Variants in NAV2 observed in about 807,000 individuals in gnomAD.
The protein encoded by NAV2 is neuron navigator 2.
NAV2 carries 54 observed loss-of-function variants against 223.2 expected under a neutral mutation model. The observed-to-expected ratio is 0.24, with a 90% CI of 0.19 to 0.30. NAV2 has a LOEUF of 0.30. Ranked by LOEUF, NAV2 falls within the 10% of genes least tolerant of loss-of-function variation. The pLI, the probability that NAV2 is intolerant of heterozygous loss-of-function variation, is 1.00. For synonymous variants in NAV2, 1,279 were observed against 1,239.3 expected (o/e 1.03, Z -0.67); for missense variants, 2,806 against 3,147.5 (o/e 0.89, Z 2.60).
At chr11:19,492,905 G>C (rs1331355193) in intron 1 of NAV2, among the ~76,000 whole-genome samples, 1 of 152,208 alleles carries the variant, frequency 6.6e-6, no homozygotes, top group African/African-American at 2.4e-5. Context: ...CAGTGGCTTA[G>C]AGTTCCGGAG....
At chr11:19,351,802 T>TAAA (rs56030401) in intron 1 of NAV2, among the ~76,000 whole-genome samples, 1 of 114,672 alleles carries the variant, frequency 8.7e-6, no homozygotes, top group African/African-American at 3.4e-5. Flanking sequence ...TTGTGTATGG[T>TAAA]AAAAAAAAAA....
At chr11:19,439,306 G>T (rs1304587454) in intron 1 of NAV2, among the ~76,000 whole-genome samples, 1 of 152,114 alleles carries the variant, frequency 6.6e-6, no homozygotes, top group Non-Finnish European at 1.5e-5. Flanking sequence ...CTATAAGAGG[G>T]TGGAGGGTAG....
At chr11:19,726,809 T>C (rs1054898359) in intron 1 of NAV2, among the ~76,000 whole-genome samples, 7 of 152,120 alleles carry the variant, frequency 4.6e-5, no homozygotes, top group Non-Finnish European at 1.0e-4. Context: ...TTTAATAAGA[T>C]CCCGGATGAC....
intron 1 of NAV2, among the ~76,000 whole-genome samples, chr11:19,501,966 C>T (rs1240388191): frequency 1.3e-5 from 2 of 152,116 alleles, no homozygotes; most frequent in African/African-American, 2.4e-5. Flanking sequence ...AGCTTTGCTC[C>T]GCATTGTAAG....
At position 19,522,559 on chromosome 11, in the gene NAV2, T is replaced by C. The variant is rs558242371; in HGVS notation, c.75+171532T>C. 2.0e-5 allele frequency among the ~76,000 whole-genome samples: 3 copies of C among 152,280 alleles called. No homozygotes were observed. The South Asian group carries it at 6.2e-4, about 32-fold the overall frequency. ...TGCCCCTGGCCCCTGCTGGAACCCA[T>C]GAGGCCCTCCTGAGCCTCCTCACCA... On this transcript the variant is annotated intron_variant, in intron 1 of 37. Coordinates refer to the NAV2 transcript ENST00000360655.
At chr11:19,774,770 G>T (rs557236477) in intron 1 of NAV2, among the ~76,000 whole-genome samples, 1 of 152,230 alleles carries the variant, frequency 6.6e-6, no homozygotes, top group Non-Finnish European at 1.5e-5. Flanking sequence ...TGAAGGGAAA[G>T]GTCACAGGCT....
intron 1 of NAV2, among the ~76,000 whole-genome samples, chr11:19,368,222 T>G (rs1475455943): frequency 6.6e-6 from 1 of 152,206 alleles, no homozygotes; most frequent in Non-Finnish European, 1.5e-5. Context: ...GAGCCACAAC[T>G]GCTATTTTTT....
At chr11:19,447,799 T>C (rs556864160) in intron 1 of NAV2, among the ~76,000 whole-genome samples, 137 of 152,320 alleles carry the variant, frequency 9.0e-4, no homozygotes, top group African/African-American at 3.2e-3. Flanking sequence ...GAAGTGCTGC[T>C]TCTGTCTTCC....
intron 1 of NAV2, among the ~76,000 whole-genome samples, chr11:19,370,601 G>A (rs563085663): frequency 6.6e-6 from 1 of 152,360 alleles, no homozygotes; most frequent in South Asian, 2.1e-4. Flanking sequence ...AGGAAAGGAG[G>A]AAGCAAGAAG....
chr11:19,986,680 T>G (rs916318563), intron 11 of NAV2, among the ~76,000 whole-genome samples: 1 of 152,134 alleles, frequency 6.6e-6, no homozygotes, highest in Non-Finnish European at 1.5e-5. Flanking sequence ...AAGAAAGAAC[T>G]CAGATGGCTT....
chr11:19,467,472 G>A (rs1256208207), intron 1 of NAV2, among the ~76,000 whole-genome samples: 5 of 152,146 alleles, frequency 3.3e-5, no homozygotes, highest in African/African-American at 1.2e-4. Flanking sequence ...CGTGGTGTTC[G>A]CAACTGACTT....
chr11:19,632,476 G>A (rs2047375143), intron 1 of NAV2, among the ~76,000 whole-genome samples: 2 of 152,112 alleles, frequency 1.3e-5, no homozygotes, highest in Admixed American at 6.5e-5. Flanking sequence ...GACTGTCTTT[G>A]ATTATTCAAC....
intron 6 of NAV2, among the ~76,000 whole-genome samples, chr11:19,912,934 A>AT (rs1326047562): frequency 6.6e-6 from 1 of 152,182 alleles, no homozygotes; most frequent in African/African-American, 2.4e-5. Flanking sequence ...CCTGGCTGCT[A>AT]TTTTAAGACC....
intron 24 of NAV2, 100 bp from the exon 25 acceptor site, chr11:20,079,964 T>TA: frequency 7.4e-7 from 1 of 1,349,160 alleles, no homozygotes; most frequent in African/African-American, 1.4e-5. Context: ...AAACACCCAG[T>TA]AGTCCTCAGG....
chr11:20,103,446 G>A, intron 33 of NAV2, 37 bp downstream of exon 33: 1 of 1,601,028 alleles, frequency 6.2e-7, no homozygotes, highest in Non-Finnish European at 8.5e-7. Flanking sequence ...CCCCCCGGGA[G>A]AGAGTGCTGC....
chr11:19,935,031 A>G (rs551840635), intron 7 of NAV2, among the ~76,000 whole-genome samples: 18 of 152,288 alleles, frequency 1.2e-4, no homozygotes, highest in African/African-American at 3.8e-4. Context: ...CTCATTGCTC[A>G]GGCTACACCA....
At chr11:19,965,994 G>A (rs1221845256) in intron 10 of NAV2, among the ~76,000 whole-genome samples, 4 of 152,210 alleles carry the variant, frequency 2.6e-5, no homozygotes, top group African/African-American at 4.8e-5. Context: ...TCCACATGGC[G>A]TGGCTTCCTG....
chr11:19,348,309 C>G (rs1342178903), upstream of NAV2, among the ~76,000 whole-genome samples: 1 of 152,126 alleles, frequency 6.6e-6, no homozygotes, highest in Non-Finnish European at 1.5e-5. Context: ...GCAGGAGACC[C>G]TTTTTGGCAC....
At chr11:19,391,096 C>T in intron 1 of NAV2, among the ~76,000 whole-genome samples, 1 of 152,130 alleles carries the variant, frequency 6.6e-6, no homozygotes, top group Non-Finnish European at 1.5e-5. Context: ...ATGGGAGTCA[C>T]CGTACCCCAA....
Sources: allele counts gnomAD v4.1 joint callset (sites outside exome capture counted in the v4.1 genomes callset), GRCh38; gene constraint gnomAD v4.1.1; transcripts MANE v1.5; gene names NCBI Gene and HGNC (gene_info 2026-07-23, HGNC 2026-07-21).